JCAD: variants seen among roughly 807,000 people sequenced by gnomAD.
The protein encoded by JCAD is junctional cadherin 5-associated protein.
Under a neutral mutation model 98.0 loss-of-function variants are expected in JCAD, and 40 were observed. The observed-to-expected ratio is 0.41, with a 90% CI of 0.32 to 0.53. JCAD has a LOEUF of 0.53. Among genes scored for constraint, JCAD ranks in the 20% least tolerant of loss-of-function variants. JCAD has a pLI of 0.31. For missense variants in JCAD, 1,705 were observed against 1,738.1 expected (o/e 0.98, Z 0.34); for synonymous variants, 691 against 682.3 (o/e 1.01, Z -0.20).
intron 1 of JCAD, among the ~76,000 whole-genome samples, chr10:30,080,625 G>C (rs375926969): frequency 5.3e-5 from 8 of 152,208 alleles, no homozygotes; most frequent in African/African-American, 1.9e-4. Context: ...CTACATTTAA[G>C]TTCCCAATCT....
intron 1 of JCAD, among the ~76,000 whole-genome samples, chr10:30,071,042 T>G (rs1351953698): frequency 6.6e-6 from 1 of 152,126 alleles, no homozygotes; most frequent in Non-Finnish European, 1.5e-5. Context: ...GTAGCTGGGA[T>G]TACAGACATG....
rs780224084 is a variant in JCAD at position 30,026,874 on chromosome 10, T to G, written c.3274A>C (p.Ile1092Leu). ...LQARAARILG[I>L]EVAVESLLPG... The stretch of plus-strand genomic sequence containing the variant: ...AGGAGGGACTCCACCGCCACCTCAA[T>G]GCCCAGGATCCTTGCAGCCCTGGCT... Residue 1092 changes from isoleucine to leucine, a missense_variant, in exon 3 of 4, where the codon ATT becomes CTT. This residue lies in a region of JCAD where 1,278 missense variants were observed against 1,243.1 expected (regional missense o/e 1.03). Transcript: ENST00000375377. 5.8e-5 allele frequency: 93 copies of G among 1,613,870 alleles called. No individual in the cohort carries two copies. The highest frequency in any genetic ancestry group is 7.6e-5 in the Non-Finnish European group (90 of 1,179,984).
At position 30,047,569 on chromosome 10, in the gene JCAD, G is replaced by A. The variant is rs1482200468; in HGVS notation, c.244C>T (p.Pro82Ser). 5 of 1,613,838 alleles carry A rather than the reference G, an allele frequency of 3.1e-6. No individual in the cohort carries two copies. Among genetic ancestry groups the A allele is most frequent in the African/African-American group, 2.7e-5 (2 of 74,902 alleles). The change falls in exon 2 of 4, where the codon CCC becomes TCC. Residue 82 changes from proline (P) to serine (S), a missense_variant. By Grantham distance (74) the Pro-to-Ser change is moderately conservative (BLOSUM62 -1). Coordinates refer to ENST00000375377, the MANE Select transcript of JCAD (RefSeq NM_020848.4). ...RRSTPRGHGE[P>S]QSTSASRTSE... ...GTTCTGGAAGCAGAAGTGCTCTGGG[G>A]CTCCCCGTGGCCTCTCGGTGTGCTG...
intron 1 of JCAD, among the ~76,000 whole-genome samples, chr10:30,054,441 TACTTA>T (rs1837527151): frequency 6.6e-6 from 1 of 151,934 alleles, no homozygotes; most frequent in Non-Finnish European, 1.5e-5. Context: ...ATACTTACTA[TACTTA>T]ACTTTATATA....
Position 30,026,298 on chromosome 10 carries a change from C to T in JCAD, c.3850G>A (p.Asp1284Asn). 1 of 1,614,062 alleles carries T rather than the reference C, an allele frequency of 6.2e-7. No individual in the cohort carries two copies. The highest frequency in any genetic ancestry group is 8.5e-7 in the Non-Finnish European group (1 of 1,180,044). ...LSFRNADSQE[D>N]AEELKATTRG... ...GTGGTGGCCTTCAATTCCTCGGCGT[C>T]CTCCTGGGAGTCGGCATTCCTGAAG... The change falls in exon 3 of 4, where the codon GAC (aspartate) becomes AAC (asparagine). Residue 1284 changes from aspartate (D) to asparagine (N), a missense_variant. This residue lies in a region of JCAD where 1,278 missense variants were observed against 1,243.1 expected (regional missense o/e 1.03). Coordinates refer to ENST00000375377, the MANE Select transcript of JCAD (RefSeq NM_020848.4).
At position 30,027,877 on chromosome 10, in the gene JCAD, G is replaced by C. The variant is rs760482602; in HGVS notation, c.2271C>G (p.Ser757Arg). 8 of 1,614,112 alleles carry C rather than the reference G, an allele frequency of 5.0e-6. No homozygotes were observed. Among genetic ancestry groups the C allele is most frequent in the Admixed American group, 1.7e-5 (1 of 60,006 alleles). Residue 757 changes from serine (S) to arginine (R), a missense_variant, in exon 3 of 4, where the codon AGC becomes AGG. Around this residue, in one of 3 missense-constraint regions of JCAD, gnomAD observed 1,278 missense variants for 1,243.1 expected, o/e 1.03. Transcript: ENST00000375377. ...ARNLKGHRSL[S>R]PSSNSAFSRT... ...TTGAGAACGCACTGTTGCTGGATGG[G>C]CTGAGGGACCTGTGACCTTTCAGGT...
At chr10:30,049,083 G>C (rs1056342068) in intron 1 of JCAD, among the ~76,000 whole-genome samples, 2 of 152,184 alleles carry the variant, frequency 1.3e-5, no homozygotes, top group Non-Finnish European at 2.9e-5. Flanking sequence ...AGGGAGAGCC[G>C]CCCTGTTTAT....
intron 1 of JCAD, among the ~76,000 whole-genome samples, chr10:30,097,948 C>T (rs1320981411): frequency 2.6e-5 from 4 of 152,116 alleles, no homozygotes; most frequent in Non-Finnish European, 4.4e-5. Context: ...AGTTCAACCA[C>T]AGAGGCTCCA....
rs1007681937 is a variant in JCAD, at chr10:30,014,569, G to A, written c.*3314C>T. On this transcript the variant is annotated 3_prime_UTR_variant, in exon 4 of 4. Coordinates refer to ENST00000375377, the MANE Select transcript of JCAD (RefSeq NM_020848.4). The stretch of plus-strand genomic sequence containing the variant: ...CAAACGTGATCTCTGGGGGTCACAA[G>A]ATGAAATGGTAGGTGAATGTTATCT... 9 of 152,204 alleles carry A rather than the reference G, an allele frequency of 5.9e-5. No individual in the cohort carries two copies. Among genetic ancestry groups the A allele is most frequent in the Non-Finnish European group, 1.3e-4 (9 of 68,034 alleles). The allele number at this position is 152,204 out of a possible 1,614,324, so 9.4% of individuals were successfully genotyped here. A position where few individuals can be genotyped will look rare whatever the true frequency, so the allele number is the denominator to read the frequency against.
rs199697890 is a variant in JCAD at position 30,028,812 on chromosome 10, T to C, written c.1336A>G (p.Ile446Val). ...LAQPQGFCED[I>V]KLDDKSYNSS... The stretch of plus-strand genomic sequence containing the variant: ...TTATATGATTTATCGTCAAGCTTTA[T>C]GTCTTCACAGAAACCCTGGGGCTGA... Residue 446 changes from isoleucine to valine, a missense_variant, in exon 3 of 4, where the codon ATA (isoleucine) becomes GTA (valine). Ile to Val is a conservative substitution (Grantham distance 29, BLOSUM62 3). This residue lies in a region of JCAD where 1,278 missense variants were observed against 1,243.1 expected (regional missense o/e 1.03). Transcript: ENST00000375377. 3.7e-6 allele frequency: 6 copies of C among 1,614,230 alleles called. No homozygotes were observed. The African/African-American group carries it at 6.7e-5, about 18-fold the overall frequency.
chr10:30,114,826 AATAGATAGATAG>A (rs3074824), intron 1 of JCAD, among the ~76,000 whole-genome samples: 1 of 150,678 alleles, frequency 6.6e-6, no homozygotes, highest in Non-Finnish European at 1.5e-5. Context: ...TTTAAAGCCG[AATAGATAGATAG>A]ATAGATAGAT....
chr10:30,044,218 C>T (rs1201071747), intron 2 of JCAD, among the ~76,000 whole-genome samples: 1 of 152,200 alleles, frequency 6.6e-6, no homozygotes, highest in Non-Finnish European at 1.5e-5. Flanking sequence ...CAGCCTGTTA[C>T]AGCAGCACAC....
At chr10:30,108,849 A>G (rs1026561941) in intron 1 of JCAD, among the ~76,000 whole-genome samples, 7 of 151,104 alleles carry the variant, frequency 4.6e-5, no homozygotes, top group African/African-American at 1.7e-4. Context: ...CGTGCTCAAG[A>G]TTAAAAAAAA....
rs1283683510 is a variant in JCAD, at chr10:30,017,011, A to T, written c.*872T>A. On this transcript the variant is annotated 3_prime_UTR_variant, in exon 4 of 4. Transcript: ENST00000375377. ...AGGGATACAGACTCTTAAATAAAAT[A>T]ATACTTCCTTAAAAATCTGCCGCCT... 6.6e-6 allele frequency: 1 copy of T among 152,240 alleles called. No homozygotes were observed. Among genetic ancestry groups the T allele is most frequent in the Admixed American group, 6.5e-5 (1 of 15,280 alleles). The allele number at this position is 152,240 out of a possible 1,614,324, so 9.4% of individuals were successfully genotyped here.
intron 2 of JCAD, among the ~76,000 whole-genome samples, chr10:30,045,771 TC>T (rs1564452581): frequency 6.6e-6 from 1 of 152,156 alleles, no homozygotes. Context: ...ATTGTGATTT[TC>T]CCCCCTGAGC....
intron 1 of JCAD, among the ~76,000 whole-genome samples, chr10:30,103,354 T>G (rs976807946): frequency 4.6e-5 from 7 of 152,142 alleles, no homozygotes; most frequent in Admixed American, 6.5e-5. Flanking sequence ...GTACGGTTGT[T>G]CCTCAAAAAT....
intron 1 of JCAD, among the ~76,000 whole-genome samples, chr10:30,102,097 TC>T (rs1283718907): frequency 2.4e-4 from 36 of 152,298 alleles, no homozygotes; most frequent in African/African-American, 8.2e-4. Context: ...GACGACAGAA[TC>T]CTGGTTATGA....
intron 1 of JCAD, among the ~76,000 whole-genome samples, chr10:30,089,851 G>A (rs965872797): frequency 6.6e-6 from 1 of 152,130 alleles, no homozygotes; most frequent in Non-Finnish European, 1.5e-5. Flanking sequence ...CAGCTCTGCT[G>A]TACAAAAGTG....
chr10:30,082,168 T>C (rs1003810138), intron 1 of JCAD, among the ~76,000 whole-genome samples: 1 of 152,218 alleles, frequency 6.6e-6, no homozygotes, highest in Non-Finnish European at 1.5e-5. Context: ...AAAAGGGCCT[T>C]GGAACAGATG....
Sources: gnomAD v4.1 joint callset for allele counts (sites outside exome capture counted in the v4.1 genomes callset) on GRCh38, gnomAD v4.1.1 for gene constraint, gnomAD v4.1.1 regional missense constraint, MANE v1.5 for transcripts, NCBI Gene and HGNC (gene_info 2026-07-23, HGNC 2026-07-21) for gene names.